Variants in NWD2 observed in about 807,000 individuals in gnomAD.
The protein encoded by NWD2 is NACHT and WD repeat domain containing 2.
Under a neutral mutation model 132.7 loss-of-function variants are expected in NWD2, and 37 were observed. The observed-to-expected ratio is 0.28, with a 90% CI of 0.21 to 0.37. The LOEUF (loss-of-function observed/expected upper bound fraction) is 0.37, where lower values mean the gene tolerates loss of function less well. Ranked by LOEUF, NWD2 falls within the 10% of genes least tolerant of loss-of-function variation. The pLI, the probability that NWD2 is intolerant of heterozygous loss-of-function variation, is 1.00. For missense variants in NWD2, 1,592 were observed against 2,122.4 expected (o/e 0.75, Z 4.91); for synonymous variants, 705 against 803.0 (o/e 0.88, Z 2.06).
At chr4:37,403,862 T>G (rs1720945057) in intron 3 of NWD2, among the ~76,000 whole-genome samples, 1 of 152,186 alleles carries the variant, frequency 6.6e-6, no homozygotes, top group South Asian at 2.1e-4. Context: ...GGAATGTACA[T>G]TAAAATGAAA....
At chr4:37,309,337 G>T (rs919616015) in intron 1 of NWD2, among the ~76,000 whole-genome samples, 1 of 152,074 alleles carries the variant, frequency 6.6e-6, no homozygotes, top group Non-Finnish European at 1.5e-5. Flanking sequence ...CCTCTGTCTT[G>T]AAGATGGCCT....
intron 3 of NWD2, among the ~76,000 whole-genome samples, chr4:37,421,849 T>C (rs1216679714): frequency 6.6e-6 from 1 of 152,132 alleles, no homozygotes; most frequent in African/African-American, 2.4e-5. Flanking sequence ...CAACAGAATT[T>C]TTTTTTCACA....
intron 5 of NWD2, among the ~76,000 whole-genome samples, chr4:37,434,431 A>G (rs61580730): frequency 0.082 from 12,439 of 152,226 alleles, 1,035 homozygotes; most frequent in African/African-American, 0.21. Flanking sequence ...TTATTTTTTT[A>G]GAGGGAGGAA....
At chr4:37,246,412 A>G (rs1356684440) in intron 1 of NWD2, among the ~76,000 whole-genome samples, 1 of 152,222 alleles carries the variant, frequency 6.6e-6, no homozygotes. Flanking sequence ...AAACGATAAC[A>G]TGCACTAATT....
chr4:37,362,478 A>G (rs1719999889), intron 3 of NWD2, among the ~76,000 whole-genome samples: 1 of 152,228 alleles, frequency 6.6e-6, no homozygotes, highest in Non-Finnish European at 1.5e-5. Context: ...GGACACATAG[A>G]CAAATGGAAC....
At chr4:37,265,395 C>T (rs958404106) in intron 1 of NWD2, among the ~76,000 whole-genome samples, 18 of 152,190 alleles carry the variant, frequency 1.2e-4, no homozygotes, top group Admixed American at 2.6e-4. Flanking sequence ...CATTCGTATT[C>T]GTTTTCTATT....
At chr4:37,351,808 G>C (rs1022827294) in intron 2 of NWD2, among the ~76,000 whole-genome samples, 1 of 152,052 alleles carries the variant, frequency 6.6e-6, no homozygotes, top group Non-Finnish European at 1.5e-5. Context: ...TCTCCTGTGG[G>C]CATTTTAGTG....
intron 3 of NWD2, among the ~76,000 whole-genome samples, chr4:37,366,008 G>A (rs1234870184): frequency 6.6e-6 from 1 of 152,184 alleles, no homozygotes; most frequent in East Asian, 1.9e-4. Flanking sequence ...TAAAAAGACA[G>A]TAGGGCTGTG....
chr4:37,258,141 C>T (rs73807459), intron 1 of NWD2, among the ~76,000 whole-genome samples: 12,198 of 152,302 alleles, frequency 0.08, 565 homozygotes, highest in Non-Finnish European at 0.098. Flanking sequence ...TCCAAAGAGC[C>T]TGTGGTTCCC....
chr4:37,370,178 G>A (rs1233857613), intron 3 of NWD2, among the ~76,000 whole-genome samples: 1 of 152,138 alleles, frequency 6.6e-6, no homozygotes, highest in African/African-American at 2.4e-5. Context: ...TGATATCTCT[G>A]ATTATGGAAG....
chr4:37,292,424 C>T (rs751866384), intron 1 of NWD2, among the ~76,000 whole-genome samples: 3 of 152,230 alleles, frequency 2.0e-5, no homozygotes, highest in East Asian at 1.9e-4. Context: ...ATCTATGAAG[C>T]GGAGAGTGAC....
intron 1 of NWD2, among the ~76,000 whole-genome samples, chr4:37,280,983 T>C (rs931318159): frequency 7.0e-6 from 1 of 142,246 alleles, no homozygotes; most frequent in Non-Finnish European, 1.6e-5. Flanking sequence ...AACCCATTGG[T>C]GTCCTTTGTA....
At chr4:37,329,795 A>G (rs7679428) in intron 2 of NWD2, among the ~76,000 whole-genome samples, 30,294 of 152,108 alleles carry the variant, frequency 0.2, 3,262 homozygotes, top group Non-Finnish European at 0.23. Context: ...CTCAGGTTCT[A>G]TGAGTAGAAT....
chr4:37,245,200 A>G lies in NWD2; in HGVS notation c.133A>G (p.Ile45Val). Residue 45 changes from isoleucine (I) to valine (V), a missense_variant, in exon 1 of 7, where the codon ATC becomes GTC. Ile to Val is a conservative substitution (Grantham distance 29, BLOSUM62 3). Around this residue, in one of 7 missense-constraint regions of NWD2, gnomAD observed 88 missense variants for 92.8 expected, o/e 0.95. Transcript: ENST00000309447. ...VPAGRSVRVF[I>V]SANPEDTGAE... is the part of the protein sequence containing the mutation. ...CGCCGGCCGCAGCGTCCGGGTCTTC[A>G]TCAGCGCCAACCCTGAAGGTACGTC... The G allele has an allele frequency of 1.3e-6, 2 of 1,541,500 alleles. No homozygotes were observed. Among genetic ancestry groups the G allele is most frequent in the African/African-American group, 1.4e-5 (1 of 72,742 alleles).
intron 1 of NWD2, among the ~76,000 whole-genome samples, chr4:37,251,923 C>G (rs1717372111): frequency 6.6e-6 from 1 of 152,146 alleles, no homozygotes; most frequent in African/African-American, 2.4e-5. Context: ...GAAAAGTGAA[C>G]AAAACAGACT....
At chr4:37,258,843 C>T (rs1175509956) in intron 1 of NWD2, among the ~76,000 whole-genome samples, 1 of 152,174 alleles carries the variant, frequency 6.6e-6, no homozygotes, top group Non-Finnish European at 1.5e-5. Flanking sequence ...TTTGTTTTCC[C>T]TTACCATTTT....
intron 3 of NWD2, among the ~76,000 whole-genome samples, chr4:37,419,998 T>C (rs901721567): frequency 5.3e-5 from 8 of 152,240 alleles, no homozygotes; most frequent in Admixed American, 2.0e-4. Context: ...GAGTGCCTGT[T>C]TCCTAGTTTC....
intron 3 of NWD2, among the ~76,000 whole-genome samples, chr4:37,363,930 T>G (rs1455847859): frequency 6.7e-6 from 1 of 150,052 alleles, no homozygotes; most frequent in Non-Finnish European, 1.5e-5. Context: ...AAGACCAGCC[T>G]GGCCAACGTG....
At chr4:37,274,273 C>A (rs1717940432) in intron 1 of NWD2, among the ~76,000 whole-genome samples, 1 of 152,102 alleles carries the variant, frequency 6.6e-6, no homozygotes. Context: ...CACAGAAATA[C>A]AAACTACCAT....
Sources: allele counts gnomAD v4.1 joint callset (sites outside exome capture counted in the v4.1 genomes callset), GRCh38; gene constraint gnomAD v4.1.1; regional missense constraint gnomAD v4.1.1; transcripts MANE v1.5; gene names NCBI Gene and HGNC (gene_info 2026-07-23, HGNC 2026-07-21).